TMEM38B: variants seen among roughly 807,000 people sequenced by gnomAD.
TMEM38B encodes trimeric intracellular cation channel type B.
Under a neutral mutation model 28.7 loss-of-function variants are expected in TMEM38B, and 24 were observed. The observed-to-expected ratio is 0.84, with a 90% confidence interval of 0.61 to 1.18. The LOEUF (loss-of-function observed/expected upper bound fraction) is 1.18, where lower values mean the gene tolerates loss of function less well. TMEM38B is among the 50% of genes most tolerant of loss of function. The pLI, the probability that TMEM38B is intolerant of heterozygous loss-of-function variation, is 0.00. For missense variants in TMEM38B, 380 were observed against 350.9 expected, an observed-to-expected ratio of 1.08 and a Z score of -0.66; for synonymous variants, 131 against 127.7, an observed-to-expected ratio of 1.03 and a Z score of -0.17.
chr9:105,738,897 A>AT (rs1837083644), intron 4 of TMEM38B, among the ~76,000 whole-genome samples: 1 of 151,114 alleles, frequency 6.6e-6, no homozygotes, highest in Non-Finnish European at 1.5e-5. Context: ...TTTATTTTTT[A>AT]TTTTTTGTAG....
chr9:105,714,403 G>C (rs528877860), intron 2 of TMEM38B, among the ~76,000 whole-genome samples: 1 of 152,238 alleles, frequency 6.6e-6, no homozygotes, highest in African/African-American at 2.4e-5. Context: ...AGCCACAAAG[G>C]TTTCTGCCCA....
chr9:105,766,750 T>A lies in TMEM38B; in HGVS notation c.661-7115T>A, dbSNP rs200702408. On this transcript the variant is annotated intron_variant, in intron 5 of 5. Coordinates refer to ENST00000374692, the MANE Select transcript of TMEM38B (RefSeq NM_018112.3). Reference sequence around the variant, plus strand: ...TTTTGCTTTTTTTTCTGTTTTTTTTTATTATTATACTTTAAGTTCTGGGAT... The same window carrying A: ...TTTTGCTTTTTTTTCTGTTTTTTTTAATTATTATACTTTAAGTTCTGGGAT... 7.9e-5 allele frequency among the ~76,000 whole-genome samples: 12 copies of A among 152,222 alleles called. No individual in the cohort carries two copies. In the East Asian group the frequency reaches 1.4e-3, roughly 17 times the overall value.
chr9:105,759,790 C>G (rs1477883679), intron 5 of TMEM38B: 4 of 1,608,726 alleles, frequency 2.5e-6, no homozygotes, highest in Non-Finnish European at 3.4e-6. Flanking sequence ...TTTGACTGCT[C>G]AAGACCAAGA....
chr9:105,735,359 A>G (rs1331033015), intron 4 of TMEM38B, among the ~76,000 whole-genome samples: 1 of 152,146 alleles, frequency 6.6e-6, no homozygotes, highest in African/African-American at 2.4e-5. Flanking sequence ...TTTGAGTTTG[A>G]TTTTGAAGTT....
At chr9:105,713,009 A>G (rs1835961073) in intron 2 of TMEM38B, among the ~76,000 whole-genome samples, 1 of 152,214 alleles carries the variant, frequency 6.6e-6, no homozygotes, top group Non-Finnish European at 1.5e-5. Flanking sequence ...CTAGGCTGTG[A>G]GGGGACTTGG....
At chr9:105,752,595 C>T (rs530245835) in intron 5 of TMEM38B, among the ~76,000 whole-genome samples, 2 of 152,248 alleles carry the variant, frequency 1.3e-5, no homozygotes, top group East Asian at 1.9e-4. Context: ...GGTAGACTGG[C>T]CTGACTGTTA....
intron 4 of TMEM38B, among the ~76,000 whole-genome samples, chr9:105,735,128 A>G (rs1226996059): frequency 6.6e-6 from 1 of 152,206 alleles, no homozygotes; most frequent in Non-Finnish European, 1.5e-5. Context: ...ACAGACTATT[A>G]GACTATTTCA....
intron 4 of TMEM38B, among the ~76,000 whole-genome samples, chr9:105,733,526 A>C (rs953871851): frequency 2.0e-5 from 3 of 150,396 alleles, no homozygotes; most frequent in African/African-American, 7.4e-5. Flanking sequence ...TCCTTGGAAG[A>C]GTTTAAGAAA....
chr9:105,749,178 G>A (rs1588453501), intron 5 of TMEM38B: 1 of 1,183,072 alleles, frequency 8.5e-7, no homozygotes. Flanking sequence ...GTTGAGCCGT[G>A]TATATTTTTT....
At position 105,775,861 on chromosome 9, in the gene TMEM38B, G is replaced by A. The variant is rs1826707920; in HGVS notation, c.*1781G>A. On this transcript the variant is annotated 3_prime_UTR_variant, in exon 6 of 6. Coordinates refer to ENST00000374692, the MANE Select transcript of TMEM38B (RefSeq NM_018112.3). The stretch of plus-strand genomic sequence containing the variant: ...TATGTTTTATATTTTTCTTGAGGTA[G>A]AGTTTCAGAACTCATCTAGTATTTT... The A allele has an allele frequency of 6.6e-6, 1 of 152,050 alleles. No individual in the cohort carries two copies. Among genetic ancestry groups the A allele is most frequent in the African/African-American group, 2.4e-5 (1 of 41,404 alleles). 9.4% of individuals were successfully genotyped at this position (152,050 alleles called of 1,614,324 possible). A position where few individuals can be genotyped will look rare whatever the true frequency, so the allele number is the denominator to read the frequency against.
At chr9:105,727,600 ACTC>A (rs1328212322) in intron 4 of TMEM38B, among the ~76,000 whole-genome samples, 2 of 152,166 alleles carry the variant, frequency 1.3e-5, no homozygotes, top group Non-Finnish European at 2.9e-5. Flanking sequence ...TCATGTTGGT[ACTC>A]CAAAAGTTTA....
chr9:105,749,473 C>T (rs545647209), intron 5 of TMEM38B, among the ~76,000 whole-genome samples: 23 of 152,222 alleles, frequency 1.5e-4, no homozygotes, highest in African/African-American at 5.3e-4. Flanking sequence ...AGGAAAGACC[C>T]TCATGATTCA....
chr9:105,772,173 C>G (rs1300109769), intron 5 of TMEM38B, among the ~76,000 whole-genome samples: 1 of 152,210 alleles, frequency 6.6e-6, no homozygotes, highest in Non-Finnish European at 1.5e-5. Flanking sequence ...AGTATCTGCT[C>G]AGCTCTTTGG....
intron 4 of TMEM38B, among the ~76,000 whole-genome samples, chr9:105,732,085 G>A (rs890708470): frequency 6.6e-6 from 1 of 152,048 alleles, no homozygotes; most frequent in Non-Finnish European, 1.5e-5. Flanking sequence ...TCATATGTCT[G>A]TTGGCTGCAA....
chr9:105,735,545 A>G (rs922795906), intron 4 of TMEM38B, among the ~76,000 whole-genome samples: 1 of 152,220 alleles, frequency 6.6e-6, no homozygotes, highest in Non-Finnish European at 1.5e-5. Context: ...TCTGAAGAAT[A>G]GCTTTGCTGG....
chr9:105,738,761 C>G (rs1638731988), intron 4 of TMEM38B, among the ~76,000 whole-genome samples: 1 of 140,932 alleles, frequency 7.1e-6, no homozygotes, highest in South Asian at 2.2e-4. Flanking sequence ...CTCCGTCGCC[C>G]AGGCTGAGTG....
At chr9:105,709,912 A>G (rs1835835582) in intron 2 of TMEM38B, among the ~76,000 whole-genome samples, 1 of 152,224 alleles carries the variant, frequency 6.6e-6, no homozygotes, top group African/African-American at 2.4e-5. Flanking sequence ...GCACTGTAAG[A>G]GACTACGGCT....
chr9:105,737,728 C>T (rs1837040670), intron 4 of TMEM38B, among the ~76,000 whole-genome samples: 1 of 152,212 alleles, frequency 6.6e-6, no homozygotes, highest in Non-Finnish European at 1.5e-5. Context: ...GGGGGATCAA[C>T]TGCTTGGCTA....
intron 4 of TMEM38B, among the ~76,000 whole-genome samples, chr9:105,733,737 T>C (rs1161300807): frequency 6.6e-6 from 1 of 152,090 alleles, no homozygotes; most frequent in Non-Finnish European, 1.5e-5. Context: ...TACTCTAGGT[T>C]ATCCAGTTTG....
Sources: gnomAD v4.1 joint callset for allele counts (sites outside exome capture counted in the v4.1 genomes callset) on GRCh38, gnomAD v4.1.1 for gene constraint, MANE v1.5 for transcripts, NCBI Gene and HGNC (gene_info 2026-07-23, HGNC 2026-07-21) for gene names.